The following TTC28 variants were observed in gnomAD, a reference collection of about 807,000 sequenced individuals.
TTC28 encodes the protein tetratricopeptide repeat protein 28.
TTC28 carries 61 observed loss-of-function variants against 198.0 expected under a neutral mutation model. That is an observed-to-expected ratio of 0.31 (90% CI 0.25 to 0.38). TTC28 has a LOEUF of 0.38. TTC28 is among the 10% of genes least tolerant of loss of function. The pLI is 1.00. For missense variants in TTC28, 2,678 were observed against 3,164.0 expected (o/e 0.85, Z 3.69); for synonymous variants, 1,171 against 1,297.8 (o/e 0.90, Z 2.10).
At chr22:28,296,429 T>TTAAG (rs2044897724) in intron 4 of TTC28, 101 bp from the exon 5 acceptor site, 1 of 1,056,148 alleles carries the variant, frequency 9.5e-7, no homozygotes, top group Admixed American at 3.3e-5. Context: ...ACAGATTTAT[T>TTAAG]AGCTAAGATT....
At chr22:28,479,737 T>A (rs1216866584) in intron 2 of TTC28, among the ~76,000 whole-genome samples, 1 of 152,098 alleles carries the variant, frequency 6.6e-6, no homozygotes, top group African/African-American at 2.4e-5. Flanking sequence ...TTCCTTGTTC[T>A]CTCTTCCCAT....
chr22:28,280,578 T>C (rs1439691954), intron 5 of TTC28, among the ~76,000 whole-genome samples: 1 of 152,138 alleles, frequency 6.6e-6, no homozygotes, highest in Non-Finnish European at 1.5e-5. Context: ...CCTCATGTGA[T>C]CCATCTGCCT....
chr22:28,620,371 G>C (rs1050795422), intron 2 of TTC28, among the ~76,000 whole-genome samples: 30 of 150,462 alleles, frequency 2.0e-4, no homozygotes, highest in Non-Finnish European at 3.4e-4. Context: ...AAGAAAGAAA[G>C]AAACAATAGC....
chr22:27,993,233 G>C, intron 18 of TTC28, 54 bp downstream of exon 18: 1 of 1,431,584 alleles, frequency 7.0e-7, no homozygotes, highest in Non-Finnish European at 9.2e-7. Context: ...GCCACCAACT[G>C]TTCCACCTGC....
At chr22:28,342,440 T>C (rs930076847) in intron 2 of TTC28, among the ~76,000 whole-genome samples, 16 of 152,180 alleles carry the variant, frequency 1.1e-4, no homozygotes, top group African/African-American at 3.9e-4. Flanking sequence ...CCAGAGACCA[T>C]CACTTTCATT....
At chr22:28,648,831 C>T (rs1051098492) in intron 1 of TTC28, among the ~76,000 whole-genome samples, 2 of 151,940 alleles carry the variant, frequency 1.3e-5, no homozygotes, top group Non-Finnish European at 2.9e-5. Context: ...ATTGCTGGAG[C>T]CTATGAGGCA....
At chr22:28,304,504 G>C (rs1183504035) in intron 3 of TTC28, among the ~76,000 whole-genome samples, 3 of 152,176 alleles carry the variant, frequency 2.0e-5, no homozygotes, top group Non-Finnish European at 2.9e-5. Context: ...CTTAAGGGAA[G>C]AGAAGAAGAT....
At chr22:28,358,766 C>A (rs994237658) in intron 2 of TTC28, among the ~76,000 whole-genome samples, 1 of 152,110 alleles carries the variant, frequency 6.6e-6, no homozygotes, top group Non-Finnish European at 1.5e-5. Flanking sequence ...ACCCATGTGT[C>A]CACTGGTCTA....
At chr22:28,336,495 A>G (rs945886129) in intron 2 of TTC28, among the ~76,000 whole-genome samples, 5 of 152,114 alleles carry the variant, frequency 3.3e-5, no homozygotes, top group African/African-American at 1.2e-4. Context: ...GTAAGCTATT[A>G]ATTATTGCCT....
intron 1 of TTC28, among the ~76,000 whole-genome samples, chr22:28,658,123 G>T (rs2051689417): frequency 6.6e-6 from 1 of 152,254 alleles, no homozygotes; most frequent in South Asian, 2.1e-4. Context: ...TTATGCATCT[G>T]AAGTTATTAT....
chr22:28,169,304 C>T (rs1922389461), intron 5 of TTC28, among the ~76,000 whole-genome samples: 1 of 152,058 alleles, frequency 6.6e-6, no homozygotes, highest in Admixed American at 6.5e-5. Flanking sequence ...ACCATTTGAC[C>T]CAGCCATCCG....
intron 12 of TTC28, among the ~76,000 whole-genome samples, chr22:28,040,258 A>G (rs1178154944): frequency 2.0e-5 from 3 of 152,220 alleles, no homozygotes; most frequent in Non-Finnish European, 4.4e-5. Flanking sequence ...TCATCCTGAT[A>G]CCAAAGCCTG....
chr22:28,368,796 A>G (rs2046285673), intron 2 of TTC28, among the ~76,000 whole-genome samples: 1 of 152,138 alleles, frequency 6.6e-6, no homozygotes, highest in South Asian at 2.1e-4. Context: ...CTCATTTATA[A>G]TAGCCACAGA....
chr22:28,601,029 A>G (rs993440492), intron 2 of TTC28, among the ~76,000 whole-genome samples: 4 of 152,160 alleles, frequency 2.6e-5, no homozygotes, highest in Admixed American at 6.5e-5. Context: ...TTTTACATTA[A>G]CTTCTCCTTG....
At chr22:28,075,191 T>G (rs1312545151) in intron 12 of TTC28, among the ~76,000 whole-genome samples, 3 of 152,112 alleles carry the variant, frequency 2.0e-5, no homozygotes. Context: ...AGAAGACCAA[T>G]TATAGTTATC....
At chr22:28,359,971 C>T (rs2046134395) in intron 2 of TTC28, among the ~76,000 whole-genome samples, 3 of 152,116 alleles carry the variant, frequency 2.0e-5, no homozygotes, top group Admixed American at 1.3e-4. Flanking sequence ...CCACCCCACC[C>T]TGCCACATCT....
chr22:28,627,514 C>T (rs2051095586), intron 2 of TTC28, among the ~76,000 whole-genome samples: 1 of 151,512 alleles, frequency 6.6e-6, no homozygotes, highest in South Asian at 2.1e-4. Flanking sequence ...TCACTGCAAC[C>T]TCTGCCTCTT....
chr22:28,639,917 T>A (rs2051335713), intron 1 of TTC28, among the ~76,000 whole-genome samples: 1 of 152,096 alleles, frequency 6.6e-6, no homozygotes, highest in Admixed American at 6.6e-5. Flanking sequence ...CTAAAATATA[T>A]AATACACGAA....
intron 2 of TTC28, among the ~76,000 whole-genome samples, chr22:28,335,323 G>C (rs1467992193): frequency 1.3e-5 from 2 of 152,174 alleles, no homozygotes; most frequent in Non-Finnish European, 2.9e-5. Flanking sequence ...GCTTAGGATT[G>C]ACTTGGCAAT....
Sources: gnomAD v4.1 joint callset for allele counts (sites outside exome capture counted in the v4.1 genomes callset) on GRCh38, gnomAD v4.1.1 for gene constraint, MANE v1.5 for transcripts, NCBI Gene and HGNC (gene_info 2026-07-23, HGNC 2026-07-21) for gene names.